The following ROBO2 variants were observed in gnomAD, a reference collection of about 807,000 sequenced individuals.
ROBO2 encodes the protein roundabout homolog 2.
A neutral mutation model predicts 160.8 loss-of-function variants in ROBO2; 53 were observed. The ratio of observed to expected loss-of-function variants is 0.33; its 90% confidence interval spans 0.26 to 0.41. The LOEUF is 0.41. Among genes scored for constraint, ROBO2 ranks in the 10% least tolerant of loss-of-function variants. ROBO2 has a pLI of 1.00. For missense variants in ROBO2, 1,577 were observed against 1,722.4 expected (o/e 0.92, Z 1.49); for synonymous variants, 664 against 611.7 (o/e 1.09, Z -1.26).
intron 2 of ROBO2, among the ~76,000 whole-genome samples, chr3:77,189,096 T>G (rs2081569550): frequency 6.6e-6 from 1 of 151,808 alleles, no homozygotes; most frequent in Admixed American, 6.6e-5. Context: ...AAAAAATGAC[T>G]GAGATTATTC....
chr3:76,880,906 A>T (rs2073272336), intron 2 of ROBO2, among the ~76,000 whole-genome samples: 1 of 152,158 alleles, frequency 6.6e-6, no homozygotes, highest in African/African-American at 2.4e-5. Context: ...AAAGAATCTT[A>T]TTTTGTTTAT....
At chr3:76,781,053 A>G (rs2062611446) in intron 2 of ROBO2, among the ~76,000 whole-genome samples, 1 of 150,688 alleles carries the variant, frequency 6.6e-6, no homozygotes, top group African/African-American at 2.4e-5. Context: ...CAAATATGAA[A>G]TATTTTTCTA....
intron 9 of ROBO2, among the ~76,000 whole-genome samples, chr3:77,561,867 G>T (rs908106638): frequency 6.6e-6 from 1 of 152,066 alleles, no homozygotes; most frequent in Non-Finnish European, 1.5e-5. Context: ...ACTTTGGGAG[G>T]CTGAGGCAGG....
chr3:75,963,745 C>T (rs1949007086), intron 2 of ROBO2, among the ~76,000 whole-genome samples: 1 of 151,654 alleles, frequency 6.6e-6, no homozygotes, highest in African/African-American at 2.4e-5. Flanking sequence ...AAGTGCTCCT[C>T]TGAGGACCAC....
chr3:77,205,139 C>A (rs1262370105), intron 2 of ROBO2, among the ~76,000 whole-genome samples: 1 of 152,126 alleles, frequency 6.6e-6, no homozygotes, highest in African/African-American at 2.4e-5. Flanking sequence ...CTCAGTGGAA[C>A]CATTACCTTT....
intron 2 of ROBO2, among the ~76,000 whole-genome samples, chr3:76,155,213 G>A (rs890180456): frequency 6.6e-6 from 1 of 151,990 alleles, no homozygotes; most frequent in African/African-American, 2.4e-5. Context: ...AAATATTGAT[G>A]GCTTCGATAT....
rs1388661777 is a variant in ROBO2 at position 77,457,111 on chromosome 3, C to A, written c.389-20303C>A. Reference sequence around the variant, plus strand: ...GTGAGCAATCTACAGGCACTATTAGCCCCGCTTGAGTAGCTCTTGATAACA... The same window carrying A: ...GTGAGCAATCTACAGGCACTATTAGACCCGCTTGAGTAGCTCTTGATAACA... On this transcript the variant is annotated intron_variant, in intron 2 of 25. Transcript: ENST00000461745. Among the ~76,000 whole-genome samples, 4 of 152,256 alleles carry A rather than the reference C, an allele frequency of 2.6e-5. No homozygotes were observed. The East Asian group carries it at 5.8e-4, about 22-fold the overall frequency.
intron 2 of ROBO2, among the ~76,000 whole-genome samples, chr3:76,464,644 C>A (rs533525617): frequency 1.3e-5 from 2 of 151,920 alleles, no homozygotes; most frequent in Non-Finnish European, 2.9e-5. Context: ...AACTCCTTTA[C>A]CCTTTCTCTA....
At chr3:76,750,935 G>T (rs547772648) in intron 2 of ROBO2, among the ~76,000 whole-genome samples, 23 of 152,132 alleles carry the variant, frequency 1.5e-4, no homozygotes, top group Non-Finnish European at 2.9e-4. Context: ...CACAGAATTG[G>T]AAAAAACTAC....
At chr3:75,976,196 C>T (rs910609915) in intron 2 of ROBO2, among the ~76,000 whole-genome samples, 1 of 151,556 alleles carries the variant, frequency 6.6e-6, no homozygotes, top group Non-Finnish European at 1.5e-5. Context: ...TATGCATATA[C>T]TATGACCCAG....
chr3:76,181,592 C>T (rs1701505981), intron 2 of ROBO2, among the ~76,000 whole-genome samples: 2 of 152,052 alleles, frequency 1.3e-5, no homozygotes, highest in Non-Finnish European at 2.9e-5. Flanking sequence ...ATTTCCTATG[C>T]TTCAAGTAAA....
At chr3:77,574,347 T>G in intron 13 of ROBO2, 152 bp from the exon 15 acceptor site, 1 of 689,770 alleles carries the variant, frequency 1.4e-6, no homozygotes, top group Non-Finnish European at 2.6e-6. Context: ...GGATAGAAGT[T>G]ATTAGAAGCA....
At chr3:76,261,202 GTAT>G (rs879526078) in intron 2 of ROBO2, among the ~76,000 whole-genome samples, 1,520 of 66,836 alleles carry the variant, frequency 0.023, 7 homozygotes, top group Middle Eastern at 0.055. Context: ...GTGTGTGTGT[GTAT>G]ATATATATAT....
At chr3:76,097,344 A>C (rs2069495435) in intron 2 of ROBO2, among the ~76,000 whole-genome samples, 1 of 152,120 alleles carries the variant, frequency 6.6e-6, no homozygotes, top group Non-Finnish European at 1.5e-5. Flanking sequence ...GGAGAGCTAC[A>C]TGGTCCGTTC....
At chr3:77,169,095 G>A (rs369959626) in intron 2 of ROBO2, among the ~76,000 whole-genome samples, 35 of 152,254 alleles carry the variant, frequency 2.3e-4, no homozygotes, top group East Asian at 2.1e-3. Flanking sequence ...GCATCCACAC[G>A]TATGCAAATG....
intron 2 of ROBO2, among the ~76,000 whole-genome samples, chr3:77,248,005 C>T (rs901634218): frequency 1.3e-5 from 2 of 152,104 alleles, no homozygotes; most frequent in African/African-American, 4.8e-5. Context: ...CAGCCCCACC[C>T]CACCCCCGTC....
intron 2 of ROBO2, among the ~76,000 whole-genome samples, chr3:76,473,688 C>T (rs1448258427): frequency 6.6e-6 from 1 of 152,024 alleles, no homozygotes; most frequent in East Asian, 1.9e-4. Context: ...AAAATAATAA[C>T]CTCTTTTTCA....
intron 2 of ROBO2, among the ~76,000 whole-genome samples, chr3:76,719,979 A>G (rs1052649175): frequency 6.6e-6 from 1 of 152,202 alleles, no homozygotes; most frequent in Non-Finnish European, 1.5e-5. Flanking sequence ...GGGCTACATA[A>G]GAAAGTGGGA....
rs183391040 is a variant in ROBO2 at position 76,042,733 on chromosome 3, G to A, written c.109+105131G>A. 3.4e-3 allele frequency among the ~76,000 whole-genome samples: 519 copies of A among 152,114 alleles called. 2 individuals are homozygous for A. The highest frequency in any genetic ancestry group is 6.1e-3 in the Admixed American group (93 of 15,290). On this transcript the variant is annotated intron_variant, in intron 2 of 26. Coordinates refer to the ROBO2 transcript ENST00000487694. ...AAAATCAACTCATGACTTAGAACCC[G>A]ATGTTACCCATAGATTTCAGGCATT...
Sources: gnomAD v4.1 joint callset for allele counts (sites outside exome capture counted in the v4.1 genomes callset) on GRCh38, gnomAD v4.1.1 for gene constraint, MANE v1.5 for transcripts, NCBI Gene and HGNC (gene_info 2026-07-23, HGNC 2026-07-21) for gene names.